Variants in QKI observed in about 807,000 individuals in gnomAD.
QKI encodes the protein KH domain-containing RNA-binding protein QKI.
Under a neutral mutation model 39.0 loss-of-function variants are expected in QKI, and 10 were observed. The ratio of observed to expected loss-of-function variants is 0.26; its 90% CI spans 0.16 to 0.43. The LOEUF (loss-of-function observed/expected upper bound fraction) is 0.43, where lower values mean the gene tolerates loss of function less well. Ranked by LOEUF, QKI falls within the 20% of genes least tolerant of loss-of-function variation. The pLI, the probability that QKI is intolerant of heterozygous loss-of-function variation, is 1.00. For missense variants in QKI, 218 were observed against 428.0 expected (o/e 0.51, Z 4.33); for synonymous variants, 204 against 155.4 (o/e 1.31, Z -2.33).
chr6:163,478,730 A>G (rs1406460549), intron 2 of QKI, 50 bp from the exon 3 acceptor site: 2 of 1,204,848 alleles, frequency 1.7e-6, no homozygotes, highest in Non-Finnish European at 2.4e-6. Context: ...TAAGAGCTGT[A>G]AGTTCCAGCA....
At chr6:163,418,647 G>C (rs1787744719) in intron 1 of QKI, among the ~76,000 whole-genome samples, 2 of 152,102 alleles carry the variant, frequency 1.3e-5, no homozygotes. Flanking sequence ...ATTGAAGATA[G>C]AGATGATTAT....
At chr6:163,446,832 C>T (rs1437554080) in intron 1 of QKI, among the ~76,000 whole-genome samples, 1 of 152,108 alleles carries the variant, frequency 6.6e-6, no homozygotes, top group Non-Finnish European at 1.5e-5. Context: ...TTTTCAGTGA[C>T]CTATTTTACT....
intron 1 of QKI, chr6:163,416,624 T>C (rs929408909): frequency 6.6e-6 from 1 of 152,268 alleles, no homozygotes; most frequent in South Asian, 2.1e-4. Flanking sequence ...GTTTCCATGA[T>C]AAAAAATGGT....
At chr6:163,542,946 A>T (rs1220736908) in intron 4 of QKI, among the ~76,000 whole-genome samples, 1 of 134,552 alleles carries the variant, frequency 7.4e-6, no homozygotes, top group Non-Finnish European at 1.6e-5. Context: ...TCAAAAAACT[A>T]CATGTTATAG....
intron 3 of QKI, among the ~76,000 whole-genome samples, chr6:163,508,131 GAGGT>G (rs1204148715): frequency 7.9e-5 from 12 of 152,176 alleles, no homozygotes; most frequent in Admixed American, 2.6e-4. Context: ...AAAAAATTGA[GAGGT>G]AGGAATGGCC....
chr6:163,551,401 C>A (rs1347862060), intron 4 of QKI, among the ~76,000 whole-genome samples: 2 of 152,194 alleles, frequency 1.3e-5, no homozygotes, highest in African/African-American at 4.8e-5. Flanking sequence ...GGTGGTAGCC[C>A]ATACTTCTTC....
intron 1 of QKI, among the ~76,000 whole-genome samples, chr6:163,443,756 T>A (rs2128215765): frequency 6.6e-6 from 1 of 152,360 alleles, no homozygotes; most frequent in East Asian, 1.9e-4. Context: ...ATTATAAACC[T>A]TAGGTTCTTT....
chr6:163,569,525 C>T, intron 7 of QKI: 1 of 1,248,998 alleles, frequency 8.0e-7, no homozygotes, highest in African/African-American at 1.6e-5. Context: ...AAAAATTATA[C>T]TACTGTTAAG....
intron 1 of QKI, among the ~76,000 whole-genome samples, chr6:163,430,361 G>A (rs930997550): frequency 2.0e-5 from 3 of 151,860 alleles, no homozygotes; most frequent in African/African-American, 7.3e-5. Context: ...ACTCTCTTTA[G>A]GTTTTTGGAG....
chr6:163,539,694 T>C (rs1781400267), intron 4 of QKI, among the ~76,000 whole-genome samples: 1 of 152,224 alleles, frequency 6.6e-6, no homozygotes, highest in South Asian at 2.1e-4. Flanking sequence ...TCTCTTGAAG[T>C]AGAATTACTA....
chr6:163,496,896 T>C (rs1055584842), intron 3 of QKI, among the ~76,000 whole-genome samples: 1 of 152,192 alleles, frequency 6.6e-6, no homozygotes, highest in East Asian at 1.9e-4. Context: ...CTCTTGTATT[T>C]TTCATCTTAC....
At chr6:163,530,266 G>A (rs573812481) in intron 3 of QKI, among the ~76,000 whole-genome samples, 5 of 152,242 alleles carry the variant, frequency 3.3e-5, no homozygotes, top group South Asian at 2.1e-4. Flanking sequence ...TTTGGTGTGC[G>A]TCCATATCAT....
At chr6:163,568,695 A>G in intron 7 of QKI, 1 of 985,132 alleles carries the variant, frequency 1.0e-6, no homozygotes, top group Non-Finnish European at 1.2e-6. Flanking sequence ...ATGCAAAAAA[A>G]CTCAGCCCTT....
intron 2 of QKI, among the ~76,000 whole-genome samples, chr6:163,456,609 TAC>T (rs1488132128): frequency 6.6e-6 from 1 of 152,210 alleles, no homozygotes; most frequent in Non-Finnish European, 1.5e-5. Context: ...TTTGATATTT[TAC>T]AGTTACATTA....
At chr6:163,495,399 G>A (rs1778343493) in intron 3 of QKI, among the ~76,000 whole-genome samples, 1 of 152,074 alleles carries the variant, frequency 6.6e-6, no homozygotes, top group Admixed American at 6.5e-5. Flanking sequence ...GTGAGCATGC[G>A]CGTGTGTGTC....
At chr6:163,537,397 G>A (rs968136250) in intron 4 of QKI, among the ~76,000 whole-genome samples, 1 of 152,130 alleles carries the variant, frequency 6.6e-6, no homozygotes, top group Admixed American at 6.5e-5. Flanking sequence ...ATAGTTCCTT[G>A]CCAACTCACT....
intron 1 of QKI, among the ~76,000 whole-genome samples, chr6:163,428,748 T>TG (rs1788601655): frequency 9.5e-5 from 1 of 10,480 alleles, no homozygotes. Context: ...TATATTGAGC[T>TG]TTTTTTTTTT....
chr6:163,478,671 T>C lies in QKI; in HGVS notation c.286-109T>C. ...TCTAGATTTTATTTCAACTTAGTAT[T>C]AAAAAGACATTTAACTTCAGTAAGT... On this transcript the variant is annotated intron_variant, in intron 2 of 7. Coordinates refer to ENST00000361752, the MANE Select transcript of QKI (RefSeq NM_006775.3). 3 of 733,850 alleles carry C rather than the reference T, an allele frequency of 4.1e-6. No individual in the cohort carries two copies. In the South Asian group the frequency reaches 6.2e-5, roughly 15 times the overall value. The allele number at this position is 733,850 out of a possible 1,614,324, so 45.5% of individuals were successfully genotyped here.
chr6:163,512,364 G>A (rs1477660896), intron 3 of QKI, among the ~76,000 whole-genome samples: 2 of 151,674 alleles, frequency 1.3e-5, no homozygotes, highest in Non-Finnish European at 2.9e-5. Flanking sequence ...AAAATAAAAG[G>A]CATACAGAAT....
Sources: allele counts gnomAD v4.1 joint callset (sites outside exome capture counted in the v4.1 genomes callset), GRCh38; gene constraint gnomAD v4.1.1; transcripts MANE v1.5; gene names NCBI Gene and HGNC (gene_info 2026-07-23, HGNC 2026-07-21).